Variants in SON observed in about 807,000 individuals in gnomAD.
The protein encoded by SON is protein SON.
A neutral mutation model predicts 173.3 loss-of-function variants in SON; 4 were observed. That is an observed-to-expected ratio of 0.02 (90% CI 0.01 to 0.05). The LOEUF (loss-of-function observed/expected upper bound fraction) is 0.05, where lower values mean the gene tolerates loss of function less well. SON is among the 10% of genes least tolerant of loss of function. The pLI is 1.00. For synonymous variants in SON, 1,190 were observed against 1,105.9 expected, an observed-to-expected ratio of 1.08 and a Z score of -1.51; for missense variants, 2,626 against 3,055.3, an observed-to-expected ratio of 0.86 and a Z score of 3.31.
intron 1 of SON, among the ~76,000 whole-genome samples, chr21:33,544,224 G>A (rs1327134836): frequency 1.3e-5 from 2 of 152,200 alleles, no homozygotes; most frequent in Non-Finnish European, 2.9e-5. Flanking sequence ...GGGCAATGAT[G>A]TATTATTGCT....
intron 9 of SON, 37 bp downstream of exon 9, chr21:33,573,492 C>A (rs757461489): frequency 6.4e-7 from 1 of 1,570,328 alleles, no homozygotes. Flanking sequence ...ATTAACGTCT[C>A]CTTTAACATT....
intron 7 of SON, among the ~76,000 whole-genome samples, chr21:33,568,641 T>G (rs2086221575): frequency 6.6e-6 from 1 of 152,218 alleles, no homozygotes; most frequent in Non-Finnish European, 1.5e-5. Flanking sequence ...TACAATACAT[T>G]TGTATGAGAT....
At chr21:33,557,714 T>C in intron 4 of SON, 2 of 1,430,606 alleles carry the variant, frequency 1.4e-6, no homozygotes, top group Non-Finnish European at 1.8e-6. Context: ...TCTTCAGAAA[T>C]GATCTTTTGC....
rs1251437563 is a variant in SON at position 33,554,252 on chromosome 21, T to C, written c.5021T>C (p.Leu1674Pro). 1 of 1,614,068 alleles carries C rather than the reference T, an allele frequency of 6.2e-7. No homozygotes were observed. The highest frequency in any genetic ancestry group is 8.5e-7 in the Non-Finnish European group (1 of 1,179,938). Residue 1674 changes from leucine to proline, a missense_variant, in exon 3 of 12, where the codon CTT (leucine) becomes CCT (proline). Leu to Pro is a moderately conservative substitution (Grantham distance 98). Coordinates refer to ENST00000356577, the MANE Select transcript of SON (RefSeq NM_138927.4). ...CTTGATTTACCATCTAATAATAACC[T>C]TGTTAGTAAGGATACAGAAGAACCA... ...IHLDLPSNNNLVSKDTEEPLP... is the reference protein window; with the variant it reads ...IHLDLPSNNNPVSKDTEEPLP...
rs2086407501 is a variant in SON, at chr21:33,576,606, T to G, written c.*182T>G. 1 of 705,138 alleles carries G rather than the reference T, an allele frequency of 1.4e-6. No homozygotes were observed. The highest frequency in any genetic ancestry group is 1.8e-5 in the African/African-American group (1 of 56,854). The allele number at this position is 705,138 out of a possible 1,614,324, so 43.7% of individuals were successfully genotyped here. On this transcript the variant is annotated 3_prime_UTR_variant, in exon 12 of 12. Transcript: ENST00000356577. ...AGGTTTTATAATAATCATTTCAGAA[T>G]TTTACTCTGCATCACAATGTATTTC... is the stretch of plus-strand genomic sequence containing the variant.
chr21:33,575,942 C>A, intron 11 of SON, 49 bp downstream of exon 11: 1 of 903,038 alleles, frequency 1.1e-6, no homozygotes. Flanking sequence ...AATGTGATGA[C>A]TTAGAGGGTG....
chr21:33,543,640 T>G, intron 1 of SON: 2 of 199,786 alleles, frequency 1.0e-5, no homozygotes, highest in Non-Finnish European at 2.1e-5. Context: ...TATTGCGAGC[T>G]TCAGACCGCT....
intron 1 of SON, among the ~76,000 whole-genome samples, chr21:33,543,841 GGA>G (rs1234367733): frequency 1.3e-5 from 2 of 152,222 alleles, no homozygotes; most frequent in African/African-American, 4.8e-5. Flanking sequence ...AAGTGAAAGT[GGA>G]CTTTGTGTGT....
In SON at chr21:33,552,579, A is replaced by G. The variant is rs1205623600; in HGVS notation, c.3348A>G (p.Ser1116=). 2 of 1,614,106 alleles carry G rather than the reference A, an allele frequency of 1.2e-6. No homozygotes were observed. The highest frequency in any genetic ancestry group is 8.5e-7 in the Non-Finnish European group (1 of 1,180,016). Residue 1116 remains serine (S), a synonymous_variant, in exon 3 of 12, where the codon TCA becomes TCG. Transcript: ENST00000356577. This position sits in a 1 kb window ranked among gnomAD's most constrained non-coding sequence, Gnocchi z 5.6. ...SYSAADRSMM[S]SYTADRSMMS... ...CTGCAGCTGACCGATCTATGATGTC[A>G]TCTTATACTGCTGATCGTTCAATGA...
rs1244921053 is a variant in SON, at chr21:33,554,451, G to A, written c.5220G>A (p.Lys1740=). ...ATTTAGTGAGACCGTTACTTCCTAA[G>A]GACATGGAACGTCTTACAAGCCTTA... The part of the protein sequence containing the change: ...EADLVRPLLP[K]DMERLTSLRA... Residue 1740 remains lysine, a synonymous_variant, in exon 3 of 12, where the codon AAG becomes AAA. Coordinates refer to ENST00000356577, the MANE Select transcript of SON (RefSeq NM_138927.4). 6.2e-7 allele frequency: 1 copy of A among 1,614,152 alleles called. No homozygotes were observed. The highest frequency in any genetic ancestry group is 8.5e-7 in the Non-Finnish European group (1 of 1,180,046).
rs1279676519 is a variant in SON, at chr21:33,552,927, G to A, written c.3696G>A (p.Val1232=). 1.9e-6 allele frequency: 3 copies of A among 1,614,174 alleles called. No individual in the cohort carries two copies. Among genetic ancestry groups the A allele is most frequent in the South Asian group, 1.1e-5 (1 of 91,080 alleles). The part of the protein sequence containing the change: ...EPSAVPTDYS[V]SASDPSVLVS... ...CAGCAGTGCCTACTGATTATTCAGTGTCAGCATCAGATCCCTCAGTTTTAG... is the reference window on the plus strand; with the variant it reads ...CAGCAGTGCCTACTGATTATTCAGTATCAGCATCAGATCCCTCAGTTTTAG... The change falls in exon 3 of 12, where the codon GTG becomes GTA. Residue 1232 remains valine, a synonymous_variant. Transcript: ENST00000356577. This position sits in a 1 kb window ranked among gnomAD's most constrained non-coding sequence, Gnocchi z 5.6.
intron 6 of SON, among the ~76,000 whole-genome samples, chr21:33,566,875 A>G (rs1013533401): frequency 6.6e-6 from 1 of 152,142 alleles, no homozygotes; most frequent in East Asian, 1.9e-4. Context: ...GGAACTTTCT[A>G]TGATTATAGT....
intron 11 of SON, 50 bp from the exon 12 acceptor site, chr21:33,576,315 A>G (rs1350601794): frequency 2.3e-6 from 2 of 874,832 alleles, no homozygotes; most frequent in African/African-American, 3.3e-5. Context: ...TACAAAGCTA[A>G]TAGATATTAA....
Position 33,550,556 on chromosome 21 carries a change from C to A in SON, c.1325C>A (p.Ser442Tyr), listed in dbSNP as rs1569052339. ...ATAVPELPGPSVTPVPQLSQE... is the reference protein window; with the variant it reads ...ATAVPELPGPYVTPVPQLSQE... The stretch of plus-strand genomic sequence containing the variant: ...GCAGTGCCTGAGTTGCCAGGGCCCT[C>A]TGTGACACCAGTGCCACAGTTGTCG... Residue 442 changes from serine (S) to tyrosine (Y), a missense_variant, in exon 3 of 12, where the codon TCT becomes TAT. Coordinates refer to ENST00000356577, the MANE Select transcript of SON (RefSeq NM_138927.4). The A allele has an allele frequency of 2.5e-6, 4 of 1,613,914 alleles. No homozygotes were observed. Among genetic ancestry groups the A allele is most frequent in the Non-Finnish European group, 3.4e-6 (4 of 1,179,940 alleles).
chr21:33,577,343 A>T lies in SON; in HGVS notation c.*919A>T, dbSNP rs1254707357. The T allele has an allele frequency of 6.6e-6, 1 of 152,602 alleles. No homozygotes were observed. Among genetic ancestry groups the T allele is most frequent in the Non-Finnish European group, 1.5e-5 (1 of 68,026 alleles). 9.5% of individuals were successfully genotyped at this position (152,602 alleles called of 1,614,324 possible). ...GCAACCAGCCACTATTTTGTTGACT[A>T]TGAGAAAGTTAAAAGTTTATGTTAA... On this transcript the variant is annotated 3_prime_UTR_variant, in exon 12 of 12. Coordinates refer to ENST00000356577, the MANE Select transcript of SON (RefSeq NM_138927.4).
In SON at chr21:33,550,017, A is replaced by C; in HGVS notation, c.786A>C (p.Pro262=). 1 of 1,614,178 alleles carries C rather than the reference A, an allele frequency of 6.2e-7. No individual in the cohort carries two copies. Among genetic ancestry groups the C allele is most frequent in the African/African-American group, 1.3e-5 (1 of 75,070 alleles). Residue 262 remains proline, a synonymous_variant, in exon 3 of 12, where the codon CCA becomes CCC. Transcript: ENST00000356577. ...CACTGGTGTTGAAGTCATCTGAGCCAGTTGTAACAATGTCAGTGGAGTATC... is the reference window on the plus strand; with the variant it reads ...CACTGGTGTTGAAGTCATCTGAGCCCGTTGTAACAATGTCAGTGGAGTATC... The part of the protein sequence containing the change: ...TTTLVLKSSE[P]VVTMSVEYQM...
In SON at chr21:33,559,127, T is replaced by C; in HGVS notation, c.6322-103T>C. On this transcript the variant is annotated intron_variant, in intron 4 of 11. Transcript: ENST00000356577. The surrounding 1 kb of genome is among the most constrained non-coding windows in gnomAD (Gnocchi z 4.1). ...CGTATCTATAACCTATCATGAATCT[T>C]GTTTAACTTTGGAAAGTTGCTATTA... is the stretch of plus-strand genomic sequence containing the variant. 2.2e-6 allele frequency: 2 copies of C among 892,520 alleles called. No homozygotes were observed. The highest frequency in any genetic ancestry group is 1.7e-6 in the Non-Finnish European group (1 of 597,762). 55.3% of individuals were successfully genotyped at this position (892,520 alleles called of 1,614,324 possible).
Position 33,555,042 on chromosome 21 carries a change from A to T in SON, c.5811A>T (p.Arg1937=). 1 of 1,612,958 alleles carries T rather than the reference A, an allele frequency of 6.2e-7. No individual in the cohort carries two copies. ...RRSRSHTPSR[R]RRSRSVGRRR... is the part of the protein sequence containing the mutation. The stretch of plus-strand genomic sequence containing the variant: ...GTCGGAGTCATACTCCAAGTCGTCG[A>T]CGAAGGTCTAGATCTGTGGGTAGAA... The change falls in exon 3 of 12, where the codon CGA becomes CGT. Residue 1937 remains arginine (R), a synonymous_variant. Coordinates refer to ENST00000356577, the MANE Select transcript of SON (RefSeq NM_138927.4).
intron 8 of SON, among the ~76,000 whole-genome samples, chr21:33,570,379 A>G (rs2086257386): frequency 6.6e-6 from 1 of 152,180 alleles, no homozygotes; most frequent in Non-Finnish European, 1.5e-5. Context: ...TGATAGCTTT[A>G]TCTTTGTTGA....
Sources: gnomAD v4.1 joint callset for allele counts (sites outside exome capture counted in the v4.1 genomes callset) on GRCh38, gnomAD v4.1.1 for gene constraint, Gnocchi (gnomAD v3.1) non-coding constraint, MANE v1.5 for transcripts, NCBI Gene and HGNC (gene_info 2026-07-23, HGNC 2026-07-21) for gene names.